The following PHLDB1 variants were observed in gnomAD, a reference collection of about 807,000 sequenced individuals.
The protein encoded by PHLDB1 is pleckstrin homology like domain family B member 1, also known as pleckstrin homology-like domain family B member 1.
Under a neutral mutation model 139.3 loss-of-function variants are expected in PHLDB1, and 65 were observed. The observed-to-expected ratio is 0.47, with a 90% CI of 0.38 to 0.57. The LOEUF is 0.57. Among genes scored for constraint, PHLDB1 ranks in the 20% least tolerant of loss-of-function variants. PHLDB1 has a pLI of 0.00. For synonymous variants in PHLDB1, 679 were observed against 734.5 expected (o/e 0.92, Z 1.22); for missense variants, 1,624 against 1,839.7 (o/e 0.88, Z 2.14).
Position 118,650,476 on chromosome 11 carries a change from G to A in PHLDB1, c.3803G>A (p.Gly1268Asp). The change falls in exon 20 of 23, where the codon GGC becomes GAC. Residue 1268 changes from glycine to aspartate, a missense_variant. Gly to Asp is a moderately conservative substitution (Grantham distance 94, BLOSUM62 -1). Transcript: ENST00000600882. This position sits in a 1 kb window ranked among gnomAD's most constrained non-coding sequence, Gnocchi z 4.7. The stretch of plus-strand genomic sequence containing the variant: ...CGTGGCTACTTGGTCAAGATGGGCG[G>A]CAAGATTAAATCATGGAAGAAGCGC... ...VCRGYLVKMG[G>D]KIKSWKKRWF... 2 of 1,614,056 alleles carry A rather than the reference G, an allele frequency of 1.2e-6. No individual in the cohort carries two copies. Among genetic ancestry groups the A allele is most frequent in the Non-Finnish European group, 1.7e-6 (2 of 1,179,918 alleles).
intron 20 of PHLDB1, chr11:118,652,658 A>G (rs1555138403): frequency 6.6e-6 from 1 of 152,302 alleles, no homozygotes; most frequent in Non-Finnish European, 1.5e-5. Context: ...AGAGACAGAG[A>G]TAAGACTGAA....
Position 118,650,765 on chromosome 11 carries a change from C to T in PHLDB1, c.3874+218C>T. The T allele has an allele frequency of 1.7e-6, 1 of 577,968 alleles. No homozygotes were observed. 35.8% of individuals were successfully genotyped at this position (577,968 alleles called of 1,614,324 possible). ...TCCTTCATTCAGCAATGTTACTAAG[C>T]ATCTAGTAAGTTCTAGGCACTGTTC... On this transcript the variant is annotated intron_variant, in intron 20 of 22. Coordinates refer to ENST00000600882, the MANE Select transcript of PHLDB1 (RefSeq NM_001144758.3). The surrounding 1 kb of genome is among the most constrained non-coding windows in gnomAD (Gnocchi z 4.7).
At chr11:118,655,410 C>G in intron 20 of PHLDB1, 195 bp from the exon 21 acceptor site, 1 of 509,006 alleles carries the variant, frequency 2.0e-6, no homozygotes, top group Non-Finnish European at 3.5e-6. Flanking sequence ...ATTTGTATTT[C>G]TCTGTGATTA....
intron 7 of PHLDB1, 22 bp downstream of exon 7, chr11:118,631,501 G>A (rs1373153758): frequency 7.0e-7 from 1 of 1,420,964 alleles, no homozygotes; most frequent in Admixed American, 2.7e-5. Flanking sequence ...GGGTAGGCAA[G>A]ACAAAGAGGC....
chr11:118,632,448 C>A lies in PHLDB1; in HGVS notation c.2379+152C>A. 2 of 812,690 alleles carry A rather than the reference C, an allele frequency of 2.5e-6. No homozygotes were observed. The highest frequency in any genetic ancestry group is 3.9e-6 in the Non-Finnish European group (2 of 507,812). The allele number at this position is 812,690 out of a possible 1,614,324, so 50.3% of individuals were successfully genotyped here. ...CTTTCCAGAGACAGAGTGACTTCTCCTCCTCTGTGGAAGGAACCAGCTTGG... is the reference window on the plus strand; with the variant it reads ...CTTTCCAGAGACAGAGTGACTTCTCATCCTCTGTGGAAGGAACCAGCTTGG... On this transcript the variant is annotated intron_variant, in intron 9 of 22. Transcript: ENST00000600882. This position sits in a 1 kb window ranked among gnomAD's most constrained non-coding sequence, Gnocchi z 5.9.
chr11:118,623,295 C>T (rs1943180401), intron 4 of PHLDB1, among the ~76,000 whole-genome samples: 1 of 152,144 alleles, frequency 6.6e-6, no homozygotes, highest in Non-Finnish European at 1.5e-5. Flanking sequence ...AGCAACAGGG[C>T]TCTGGCTTCT....
intron 14 of PHLDB1, 42 bp downstream of exon 14, chr11:118,643,982 G>A: frequency 6.3e-7 from 1 of 1,592,948 alleles, no homozygotes; most frequent in South Asian, 1.1e-5. Context: ...GGCTGGGGAT[G>A]GAGACTTCCA....
intron 12 of PHLDB1, chr11:118,639,512 A>G: frequency 8.6e-6 from 3 of 350,084 alleles, no homozygotes; most frequent in East Asian, 7.3e-5. Context: ...GGGGGGACTC[A>G]GGGGCCTGGG....
intron 13 of PHLDB1, among the ~76,000 whole-genome samples, 187 bp downstream of exon 13, chr11:118,642,581 G>A (rs1334747863): frequency 6.6e-6 from 1 of 152,236 alleles, no homozygotes; most frequent in African/African-American, 2.4e-5. Context: ...TGGGCAACCG[G>A]GGGGCCAGCC....
chr11:118,631,916 G>T lies in PHLDB1; in HGVS notation c.2104G>T (p.Glu702Ter). The T allele has an allele frequency of 6.2e-7, 1 of 1,607,806 alleles. No homozygotes were observed. Among genetic ancestry groups the T allele is most frequent in the South Asian group, 1.1e-5 (1 of 90,078 alleles). Reference protein sequence around the residue: ...SSTESTQQEHEDAPSTKLQGE... With the variant: ...SSTESTQQEH ...TGATAGCTTCCCTCCCCTCCAGCAC[G>T]AAGATGCACCTAGCACCAAGCTCCA... Residue 702 changes from glutamate (E) to a stop codon, truncating the protein, a stop_gained, in exon 8 of 23, where the codon GAA becomes TAA. Transcript: ENST00000600882. LOFTEE classifies it high-confidence loss of function.
Position 118,650,400 on chromosome 11 carries a change from A to G in PHLDB1, c.3772-45A>G. On this transcript the variant is annotated intron_variant, in intron 19 of 22. Coordinates refer to ENST00000600882, the MANE Select transcript of PHLDB1 (RefSeq NM_001144758.3). The surrounding 1 kb of genome is among the most constrained non-coding windows in gnomAD (Gnocchi z 4.7). The stretch of plus-strand genomic sequence containing the variant: ...AGGCGATGGCACACACTTAAGGCTT[A>G]AGGGCTGCATATTTGGGTCCTTCCT... The G allele has an allele frequency of 7.5e-7, 1 of 1,329,880 alleles. No homozygotes were observed. Among genetic ancestry groups the G allele is most frequent in the East Asian group, 2.3e-5 (1 of 43,544 alleles). The allele number at this position is 1,329,880 out of a possible 1,614,324, so 82.4% of individuals were successfully genotyped here.
At position 118,655,606 on chromosome 11, in the gene PHLDB1, C is replaced by T; in HGVS notation, c.3876C>T (p.Asp1292=). The T allele has an allele frequency of 1.9e-6, 3 of 1,607,914 alleles. No homozygotes were observed. Among genetic ancestry groups the T allele is most frequent in the Admixed American group, 1.7e-5 (1 of 59,974 alleles). ...AGCCCACCCTTACTTGCTTTGCAGACAAGCATGAGACGAAGCTGAAGGGAG... is the reference window on the plus strand; with the variant it reads ...AGCCCACCCTTACTTGCTTTGCAGATAAGCATGAGACGAAGCTGAAGGGAG... ...RLKRTLSYYV[D]KHETKLKGVI... is the part of the protein sequence containing the mutation. The change falls in exon 21 of 23, where the codon GAC becomes GAT. Residue 1292 remains aspartate (D), a splice_region_variant and synonymous_variant. Transcript: ENST00000600882.
intron 20 of PHLDB1, 173 bp from the exon 21 acceptor site, chr11:118,655,432 G>A: frequency 1.8e-6 from 1 of 560,142 alleles, no homozygotes; most frequent in East Asian, 3.0e-5. Context: ...GAGTGAGGCT[G>A]AGCATTATCC....
rs782136596 is a variant in PHLDB1, at chr11:118,635,539, C to T, written c.2526C>T (p.Ala842=). ...AGGCTGAGCTGCTCCGCAGCATCGCCAAGAGGAAGGTGTGCCCCACCTCGT... is the reference window on the plus strand; with the variant it reads ...AGGCTGAGCTGCTCCGCAGCATCGCTAAGAGGAAGGTGTGCCCCACCTCGT... The part of the protein sequence containing the change: ...RSKAELLRSI[A]KRKERLAILD... Residue 842 remains alanine, a synonymous_variant, in exon 10 of 23, where the codon GCC becomes GCT. Transcript: ENST00000600882. The T allele has an allele frequency of 1.3e-6, 2 of 1,551,214 alleles. No individual in the cohort carries two copies. The highest frequency in any genetic ancestry group is 1.4e-5 in the African/African-American group (1 of 72,970).
chr11:118,612,164 C>G (rs1940565387), intron 1 of PHLDB1, among the ~76,000 whole-genome samples: 1 of 149,770 alleles, frequency 6.7e-6, no homozygotes, highest in African/African-American at 2.5e-5. Flanking sequence ...TTCCATTACT[C>G]TAGTTTTATA....
chr11:118,655,888 C>T lies in PHLDB1; in HGVS notation c.3989C>T (p.Thr1330Ile), dbSNP rs1555141494. The T allele has an allele frequency of 2.5e-6, 4 of 1,610,572 alleles. No homozygotes were observed. The African/African-American group carries it at 5.3e-5, about 22-fold the overall frequency. ...KKRFFRFTMV[T>I]ESPNPALTFC... ...AGGTTTTTCCGCTTCACTATGGTGA[C>T]TGAGGTACCCCTCCCCACTTAGCTG... Residue 1330 changes from threonine to isoleucine, a missense_variant, in exon 22 of 23, where the codon ACT becomes ATT. Transcript: ENST00000600882.
chr11:118,634,373 G>A (rs645637), intron 9 of PHLDB1: 47,663 of 152,076 alleles, frequency 0.31, 7,791 homozygotes, highest in Admixed American at 0.43. Flanking sequence ...CTCAGCTCCT[G>A]ATTGACGCCC....
chr11:118,655,897 C>A lies in PHLDB1; in HGVS notation c.3993+5C>A. On this transcript the variant is annotated splice_donor_5th_base_variant and intron_variant, in intron 22 of 22. Coordinates refer to ENST00000600882, the MANE Select transcript of PHLDB1 (RefSeq NM_001144758.3). The stretch of plus-strand genomic sequence containing the variant: ...CGCTTCACTATGGTGACTGAGGTAC[C>A]CCTCCCCACTTAGCTGTAACCAGCA... 2 of 1,607,686 alleles carry A rather than the reference C, an allele frequency of 1.2e-6. No homozygotes were observed. Among genetic ancestry groups the A allele is most frequent in the Non-Finnish European group, 8.5e-7 (1 of 1,174,160 alleles).
chr11:118,642,905 G>T (rs541425900), intron 13 of PHLDB1, among the ~76,000 whole-genome samples: 383 of 152,360 alleles, frequency 2.5e-3, no homozygotes, highest in African/African-American at 8.5e-3. Flanking sequence ...CCTCAGAGTT[G>T]CCATGGAGGG....
Sources: gnomAD v4.1 joint callset for allele counts (sites outside exome capture counted in the v4.1 genomes callset) on GRCh38, gnomAD v4.1.1 for gene constraint, Gnocchi (gnomAD v3.1) non-coding constraint, MANE v1.5 for transcripts, NCBI Gene and HGNC (gene_info 2026-07-23, HGNC 2026-07-21) for gene names.